The following CIT variants were observed in gnomAD, a reference collection of about 807,000 sequenced individuals.
CIT encodes citron rho-interacting serine/threonine kinase.
A neutral mutation model predicts 272.7 loss-of-function variants in CIT; 79 were observed. The observed-to-expected ratio is 0.29, with a 90% CI of 0.24 to 0.35. The LOEUF (loss-of-function observed/expected upper bound fraction) is 0.35. Ranked by LOEUF, CIT falls within the 10% of genes least tolerant of loss-of-function variation. The probability of loss-of-function intolerance (pLI) is 1.00; values close to 1 mark genes in which losing one functional copy is unlikely to be tolerated. For synonymous variants in CIT, 948 were observed against 995.6 expected, an observed-to-expected ratio of 0.95 and a Z score of 0.90; for missense variants, 1,909 against 2,618.3, an observed-to-expected ratio of 0.73 and a Z score of 5.91.
In CIT at chr12:119,787,547, C is replaced by T. The variant is rs543828025; in HGVS notation, c.1296-2482G>A. ...GAGATCCAGACCATCCTGGCTAACA[C>T]GGTGAAACCTCGTCTCTACTAAAAA... On this transcript the variant is annotated intron_variant, in intron 10 of 47. Transcript: ENST00000392521. Among the ~76,000 whole-genome samples the T allele has an allele frequency of 3.0e-3, 457 of 151,506 alleles. 3 individuals carry two copies. The highest frequency in any genetic ancestry group is 3.0e-3 in the Non-Finnish European group (204 of 67,846).
intron 22 of CIT, among the ~76,000 whole-genome samples, chr12:119,754,113 C>T (rs1432984467): frequency 6.6e-6 from 1 of 152,136 alleles, no homozygotes; most frequent in Non-Finnish European, 1.5e-5. Context: ...ACACACTGGG[C>T]CCTGAATTAA....
At chr12:119,782,912 T>A in intron 12 of CIT, 1 of 311,750 alleles carries the variant, frequency 3.2e-6, no homozygotes, top group South Asian at 5.6e-5. Flanking sequence ...AGGAGATACT[T>A]ACTTGCATGT....
At chr12:119,721,705 G>A (rs1957821567) in intron 28 of CIT, among the ~76,000 whole-genome samples, 1 of 152,158 alleles carries the variant, frequency 6.6e-6, no homozygotes, top group African/African-American at 2.4e-5. Context: ...TGCAGGGATG[G>A]CCTTCCCAGA....
At chr12:119,794,458 G>A (rs61025448) in intron 10 of CIT, among the ~76,000 whole-genome samples, 8,439 of 152,216 alleles carry the variant, frequency 0.055, 731 homozygotes, top group African/African-American at 0.19. Context: ...CATTGGTTCT[G>A]AGACAGGAAT....
intron 22 of CIT, among the ~76,000 whole-genome samples, chr12:119,754,641 A>T (rs1297776421): frequency 6.6e-6 from 1 of 152,242 alleles, no homozygotes; most frequent in Non-Finnish European, 1.5e-5. Flanking sequence ...AGGCGGATCA[A>T]ACTCCAGGTG....
At chr12:119,735,439 A>G (rs902603215) in intron 24 of CIT, 82 bp from the exon 25 acceptor site, 21 of 1,389,222 alleles carry the variant, frequency 1.5e-5, no homozygotes, top group Non-Finnish European at 1.9e-5. Context: ...TGGATTTCTG[A>G]ACCCACGTGA....
Position 119,701,997 on chromosome 12 carries a change from A to C in CIT, c.5305-39T>G, listed in dbSNP as rs1200227497. Reference sequence around the variant, plus strand: ...GCAGAAGAGAAGGATGTGAGAGGTAACACAGGGCAGCCAAGGTCCACAGCT... The same window carrying C: ...GCAGAAGAGAAGGATGTGAGAGGTACCACAGGGCAGCCAAGGTCCACAGCT... On this transcript the variant is annotated intron_variant, in intron 41 of 47. Transcript: ENST00000392521. 3 of 1,508,250 alleles carry C rather than the reference A, an allele frequency of 2.0e-6. No individual in the cohort carries two copies. In the South Asian group the frequency reaches 3.4e-5, roughly 17 times the overall value. 93.4% of individuals were successfully genotyped at this position (1,508,250 alleles called of 1,614,324 possible).
chr12:119,857,639 T>C lies in CIT; in HGVS notation c.298A>G (p.Arg100Gly), dbSNP rs549689058. The change falls in exon 4 of 48, where the codon AGA (arginine) becomes GGA (glycine). Residue 100 changes from arginine (R) to glycine (G), a missense_variant. Physicochemically the swap from Arg to Gly is moderately radical, Grantham distance 125. Coordinates refer to ENST00000392521, the MANE Select transcript of CIT (RefSeq NM_001206999.2). ...AAGTGACCACAACCTACAAGACTTCTGACTTCGAAGTCCTTTGCCGAAGGC... is the reference window on the plus strand; with the variant it reads ...AAGTGACCACAACCTACAAGACTTCCGACTTCGAAGTCCTTTGCCGAAGGC... The part of the protein sequence containing the change: ...LQPSAKDFEV[R>G]SLVGCGHFAE... 6.5e-5 allele frequency: 105 copies of C among 1,614,206 alleles called. No homozygotes were observed. In the South Asian group the frequency reaches 1.1e-3, roughly 17 times the overall value.
chr12:119,758,442 G>T, intron 21 of CIT, 149 bp downstream of exon 21: 1 of 629,134 alleles, frequency 1.6e-6, no homozygotes, highest in Non-Finnish European at 2.9e-6. Context: ...TTAAGACAGG[G>T]CAAGATGACG....
chr12:119,728,502 C>T lies in CIT; in HGVS notation c.3591G>A (p.Glu1197=). Residue 1197 remains glutamate (E), a splice_region_variant and synonymous_variant, in exon 28 of 48, where the codon GAG becomes GAA. Transcript: ENST00000392521. This position sits in a 1 kb window ranked among gnomAD's most constrained non-coding sequence, Gnocchi z 4.3. ...CTTCTCCCAGGTATTTCACACTCACCTCTTCCAGAAGCCTCTGTTTGAGCT... is the reference window on the plus strand; with the variant it reads ...CTTCTCCCAGGTATTTCACACTCACTTCTTCCAGAAGCCTCTGTTTGAGCT... ...ERELKQRLLE[E]QAKLQQQMDL... 1 of 1,600,080 alleles carries T rather than the reference C, an allele frequency of 6.2e-7. No homozygotes were observed. The highest frequency in any genetic ancestry group is 8.5e-7 in the Non-Finnish European group (1 of 1,172,902).
intron 40 of CIT, among the ~76,000 whole-genome samples, chr12:119,705,074 G>A (rs1461469857): frequency 6.6e-6 from 1 of 152,088 alleles, no homozygotes; most frequent in African/African-American, 2.4e-5. Flanking sequence ...CACCATGCCT[G>A]GCCAATTTTT....
chr12:119,698,589 C>CAAA (rs3858709), intron 44 of CIT, among the ~76,000 whole-genome samples: 1 of 133,218 alleles, frequency 7.5e-6, no homozygotes. Flanking sequence ...GACTCTGTCT[C>CAAA]AAAAAAAAAA....
At position 119,784,920 on chromosome 12, in the gene CIT, T is replaced by A. The variant is rs761223191; in HGVS notation, c.1401+40A>T. The A allele has an allele frequency of 1.9e-6, 3 of 1,610,572 alleles. No individual in the cohort carries two copies. In the South Asian group the frequency reaches 3.3e-5, roughly 18 times the overall value. On this transcript the variant is annotated intron_variant, in intron 11 of 47. Coordinates refer to ENST00000392521, the MANE Select transcript of CIT (RefSeq NM_001206999.2). The surrounding 1 kb of genome is among the most constrained non-coding windows in gnomAD (Gnocchi z 4.7). ...CCCTTGGCATATACGGACGGGAGGA[T>A]CCTGGAGCAAGGAAGGAGGCCGGCT...
At chr12:119,758,743 G>A (rs775180349) in intron 20 of CIT, 43 bp from the exon 21 acceptor site, 2 of 1,291,728 alleles carry the variant, frequency 1.5e-6, no homozygotes. Flanking sequence ...ACCAGAACAG[G>A]AGTAACAGGG....
chr12:119,861,328 G>A (rs1481459792), intron 3 of CIT, among the ~76,000 whole-genome samples: 1 of 152,074 alleles, frequency 6.6e-6, no homozygotes, highest in Admixed American at 6.6e-5. Flanking sequence ...GCTCACGCCT[G>A]TAATCCCAGC....
intron 28 of CIT, 50 bp from the exon 29 acceptor site, chr12:119,721,499 T>C (rs1458745844): frequency 6.6e-7 from 1 of 1,507,956 alleles, no homozygotes. Flanking sequence ...CACAATACAA[T>C]TTGTTCCCCT....
chr12:119,864,403 T>C (rs1279924353), intron 3 of CIT, among the ~76,000 whole-genome samples: 1 of 152,178 alleles, frequency 6.6e-6, no homozygotes, highest in Non-Finnish European at 1.5e-5. Flanking sequence ...TGGCACAATC[T>C]TGGCTTACTG....
At position 119,687,313 on chromosome 12, in the gene CIT, G is replaced by T. The variant is rs935975484; in HGVS notation, c.*919C>A. 2 of 152,724 alleles carry T rather than the reference G, an allele frequency of 1.3e-5. No homozygotes were observed. The highest frequency in any genetic ancestry group is 4.8e-5 in the African/African-American group (2 of 41,442). The allele number at this position is 152,724 out of a possible 1,614,324, so 9.5% of individuals were successfully genotyped here. On this transcript the variant is annotated 3_prime_UTR_variant, in exon 48 of 48. Transcript: ENST00000392521. ...ACAACACGCCGTCACAGACAAGGAA[G>T]TGGGTGCCCCCGTCCCCTCCCCGAC...
rs3999547 is a variant in CIT at position 119,726,385 on chromosome 12, A to ATTTTTTTTTTTTTTTTTT, written c.3591+2099_3591+2116dup. ...AACTGCACACCACCACACTTGGCTA[A>ATTTTTTTTTTTTTTTTTT]TTTTTTTTTTTTTTTTTTTTTTTTT... On this transcript the variant is annotated intron_variant, in intron 28 of 47. Coordinates refer to ENST00000392521, the MANE Select transcript of CIT (RefSeq NM_001206999.2). Among the ~76,000 whole-genome samples the ATTTTTTTTTTTTTTTTTT allele has an allele frequency of 3.9e-5, 4 of 101,418 alleles. 2 individuals are homozygous for ATTTTTTTTTTTTTTTTTT. 66.5% of individuals were successfully genotyped at this position (101,418 alleles called of 152,430 possible). A position where few individuals can be genotyped will look rare whatever the true frequency, so the allele number is the denominator to read the frequency against.
Sources: allele counts gnomAD v4.1 joint callset (sites outside exome capture counted in the v4.1 genomes callset), GRCh38; gene constraint gnomAD v4.1.1; non-coding constraint Gnocchi (gnomAD v3.1); transcripts MANE v1.5; gene names NCBI Gene and HGNC (gene_info 2026-07-23, HGNC 2026-07-21).